BCL2L1: variants seen among roughly 807,000 people sequenced by gnomAD.
BCL2L1 encodes bcl-2-like protein 1.
BCL2L1 carries 1 observed loss-of-function variant against 18.7 expected under a neutral mutation model. The observed-to-expected ratio is 0.05, with a 90% CI of 0.02 to 0.25. The LOEUF is 0.25. BCL2L1 is among the 10% of genes least tolerant of loss of function. The probability of loss-of-function intolerance (pLI) is 1.00; values close to 1 mark genes in which losing one functional copy is unlikely to be tolerated. For missense variants in BCL2L1, 207 were observed against 304.9 expected (o/e 0.68, Z 2.39); for synonymous variants, 103 against 122.7 (o/e 0.84, Z 1.06).
At chr20:31,706,123 T>C (rs1269574568) in intron 2 of BCL2L1, among the ~76,000 whole-genome samples, 1 of 152,136 alleles carries the variant, frequency 6.6e-6, no homozygotes, top group East Asian at 1.9e-4. Flanking sequence ...CAAGAGGCAG[T>C]TGTTCTGGAT....
intron 2 of BCL2L1, among the ~76,000 whole-genome samples, chr20:31,671,686 G>GT (rs1346561335): frequency 6.6e-6 from 1 of 151,910 alleles, no homozygotes; most frequent in African/African-American, 2.4e-5. Flanking sequence ...CTCAATGGTG[G>GT]TAAGATCACC....
chr20:31,722,317 G>T lies in BCL2L1; in HGVS notation c.-99C>A. Reference sequence around the variant, plus strand: ...TAGTGATTCTCTTCTAAGATCCAAAGCCAAGATAAGATTCTGAAGGGAGAG... The same window carrying T: ...TAGTGATTCTCTTCTAAGATCCAAATCCAAGATAAGATTCTGAAGGGAGAG... On this transcript the variant is annotated 5_prime_UTR_variant, in exon 2 of 3. Transcript: ENST00000307677. 4.5e-6 allele frequency: 4 copies of T among 895,866 alleles called. No homozygotes were observed. Among genetic ancestry groups the T allele is most frequent in the East Asian group, 2.8e-5 (1 of 36,196 alleles). The allele number at this position is 895,866 out of a possible 1,614,324, so 55.5% of individuals were successfully genotyped here.
At chr20:31,676,709 C>T (rs1012948194) in intron 2 of BCL2L1, among the ~76,000 whole-genome samples, 4 of 152,176 alleles carry the variant, frequency 2.6e-5, no homozygotes, top group African/African-American at 9.7e-5. Flanking sequence ...CGAACACCCC[C>T]ATTTCACAGA....
At chr20:31,696,045 G>C (rs2061163529) in intron 2 of BCL2L1, among the ~76,000 whole-genome samples, 1 of 152,138 alleles carries the variant, frequency 6.6e-6, no homozygotes. Flanking sequence ...TTCCCAAAGT[G>C]CTAGAATTAA....
At chr20:31,702,463 T>C (rs897342798) in intron 2 of BCL2L1, among the ~76,000 whole-genome samples, 3 of 152,044 alleles carry the variant, frequency 2.0e-5, no homozygotes, top group Non-Finnish European at 4.4e-5. Flanking sequence ...AAACCCCATC[T>C]CTACTAAAAA....
chr20:31,713,286 A>T (rs1179077291), intron 2 of BCL2L1: 16 of 985,260 alleles, frequency 1.6e-5, no homozygotes, highest in Admixed American at 6.2e-5. Flanking sequence ...TAAATCTTGA[A>T]GGGATGATCA....
intron 2 of BCL2L1, among the ~76,000 whole-genome samples, chr20:31,689,262 AAGGGGAGGGGGAGGGCAGGGG>A (rs1568869262): frequency 0.012 from 11 of 900 alleles, no homozygotes; most frequent in Non-Finnish European, 0.019. Flanking sequence ...AAAGGGAGGG[AAGGGGAGGGGGAGGGCAGGGG>A]AGGGGAGGGA....
intron 2 of BCL2L1, among the ~76,000 whole-genome samples, chr20:31,703,338 T>C (rs2061314454): frequency 6.6e-6 from 1 of 152,044 alleles, no homozygotes; most frequent in South Asian, 2.1e-4. Flanking sequence ...CCACTGCTCC[T>C]GGCTAATTTT....
At chr20:31,708,634 C>T (rs757433840) in intron 2 of BCL2L1, among the ~76,000 whole-genome samples, 2 of 152,200 alleles carry the variant, frequency 1.3e-5, no homozygotes, top group Non-Finnish European at 2.9e-5. Flanking sequence ...CTGAGCCCAG[C>T]TGTCAACGGC....
chr20:31,677,949 T>A (rs1219174330), intron 2 of BCL2L1, among the ~76,000 whole-genome samples: 2 of 152,158 alleles, frequency 1.3e-5, no homozygotes. Flanking sequence ...GAAAGGCCAG[T>A]TCCCACTCTC....
intron 2 of BCL2L1, among the ~76,000 whole-genome samples, chr20:31,694,098 CCTGGCTCCAG>C (rs2061128959): frequency 6.6e-6 from 1 of 152,072 alleles, no homozygotes; most frequent in Non-Finnish European, 1.5e-5. Flanking sequence ...AGTGGGAGTT[CCTGGCTCCAG>C]CTGGCTCCAG....
intron 2 of BCL2L1, among the ~76,000 whole-genome samples, chr20:31,699,818 AT>A (rs1193959357): frequency 6.6e-6 from 1 of 152,234 alleles, no homozygotes; most frequent in Non-Finnish European, 1.5e-5. Flanking sequence ...AGGTGAGGGA[AT>A]TAAATGAGAA....
chr20:31,722,026 C>T lies in BCL2L1; in HGVS notation c.193G>A (p.Val65Met), dbSNP rs774413044. The change falls in exon 2 of 3, where the codon GTG (valine) becomes ATG (methionine). Residue 65 changes from valine (V) to methionine (M), a missense_variant. Val to Met is a conservative substitution (Grantham distance 21). Transcript: ENST00000307677. ...CTGCTGTGGCCAGTGGCTCCATTCA[C>T]CGCGGGGCTGTCTGCCAGGTGCCAG... ...PSWHLADSPA[V>M]NGATGHSSSL... is the part of the protein sequence containing the mutation. The T allele has an allele frequency of 5.8e-5, 94 of 1,611,778 alleles. No individual in the cohort carries two copies. Among genetic ancestry groups the T allele is most frequent in the Non-Finnish European group, 4.2e-6 (5 of 1,178,468 alleles).
At chr20:31,692,449 G>A (rs2061089726) in intron 2 of BCL2L1, among the ~76,000 whole-genome samples, 1 of 152,244 alleles carries the variant, frequency 6.6e-6, no homozygotes, top group Non-Finnish European at 1.5e-5. Flanking sequence ...AACTGCAGAT[G>A]ATAAACACAG....
At chr20:31,666,436 T>TG (rs2060589519) in intron 2 of BCL2L1, among the ~76,000 whole-genome samples, 2 of 151,192 alleles carry the variant, frequency 1.3e-5, no homozygotes, top group African/African-American at 4.9e-5. Context: ...GAGGAGGGCA[T>TG]GGGGGAGATG....
intron 2 of BCL2L1, among the ~76,000 whole-genome samples, chr20:31,690,995 A>T (rs184537867): frequency 1.4e-4 from 21 of 150,352 alleles, no homozygotes; most frequent in African/African-American, 3.9e-4. Flanking sequence ...CTAAAAATAT[A>T]AAAAAAATTA....
intron 2 of BCL2L1, among the ~76,000 whole-genome samples, chr20:31,697,893 T>C (rs572809642): frequency 9.2e-6 from 1 of 108,150 alleles, no homozygotes; most frequent in East Asian, 2.1e-4. Flanking sequence ...GCTGTTGCTG[T>C]TTTTTTTTTT....
intron 2 of BCL2L1, among the ~76,000 whole-genome samples, chr20:31,719,123 CCGTTTCCATGAAGGAAGGTACCATGCG>C (rs559494867): frequency 3.8e-3 from 585 of 152,276 alleles, no homozygotes; most frequent in Middle Eastern, 0.024. Context: ...AAACAGCATG[CCGTTTCCATGAAGGAAGGTACCATGCG>C]TGGCTTATGG....
At chr20:31,703,054 A>C (rs1293655008) in intron 2 of BCL2L1, among the ~76,000 whole-genome samples, 1 of 151,316 alleles carries the variant, frequency 6.6e-6, no homozygotes, top group African/African-American at 2.4e-5. Context: ...TATTTTATTA[A>C]ATTTTTTGAG....
Sources: allele counts gnomAD v4.1 joint callset (sites outside exome capture counted in the v4.1 genomes callset), GRCh38; gene constraint gnomAD v4.1.1; transcripts MANE v1.5; gene names NCBI Gene and HGNC (gene_info 2026-07-23, HGNC 2026-07-21).